SLC41A3: variants seen among roughly 807,000 people sequenced by gnomAD.
The protein encoded by SLC41A3 is solute carrier family 41 member 3, also known as SLC41A1-like 2.
A neutral mutation model predicts 45.4 loss-of-function variants in SLC41A3; 44 were observed. The ratio of observed to expected loss-of-function variants is 0.97; its 90% CI spans 0.76 to 1.25. SLC41A3 has a LOEUF of 1.25. SLC41A3 is among the 50% of genes most tolerant of loss of function. The pLI is 0.00. For synonymous variants in SLC41A3, 256 were observed against 252.4 expected (o/e 1.01, Z -0.13); for missense variants, 550 against 600.6 (o/e 0.92, Z 0.88).
chr3:126,057,495 C>T (rs1036726978), intron 2 of SLC41A3, among the ~76,000 whole-genome samples: 4 of 152,186 alleles, frequency 2.6e-5, no homozygotes, highest in African/African-American at 4.8e-5. Context: ...GGCAGAAGCC[C>T]GAAGCTGGGG....
chr3:126,045,281 T>C (rs950412755), intron 3 of SLC41A3, among the ~76,000 whole-genome samples: 2 of 148,968 alleles, frequency 1.3e-5, no homozygotes, highest in Non-Finnish European at 3.0e-5. Flanking sequence ...ATAAAGATTA[T>C]AGCAGGGATA....
chr3:126,027,765 G>C (rs538455022), intron 4 of SLC41A3, among the ~76,000 whole-genome samples: 1 of 152,332 alleles, frequency 6.6e-6, no homozygotes, highest in South Asian at 2.1e-4. Flanking sequence ...GGACAGTGAA[G>C]GCCAGGCTGA....
intron 8 of SLC41A3, among the ~76,000 whole-genome samples, chr3:126,014,715 C>CCT (rs1228132179): frequency 6.6e-6 from 1 of 152,252 alleles, no homozygotes; most frequent in Non-Finnish European, 1.5e-5. Context: ...TGCCTAGGAG[C>CCT]CTCTGAAGGC....
chr3:126,026,109 G>A lies in SLC41A3; in HGVS notation c.598+226C>T, dbSNP rs993542056. 6.6e-5 allele frequency among the ~76,000 whole-genome samples: 10 copies of A among 152,272 alleles called. No individual in the cohort carries two copies. The highest frequency in any genetic ancestry group is 2.0e-4 in the Admixed American group (3 of 15,304). On this transcript the variant is annotated intron_variant, in intron 5 of 10. Coordinates refer to ENST00000360370, the MANE Select transcript of SLC41A3 (RefSeq NM_017836.4). This position sits in a 1 kb window ranked among gnomAD's most constrained non-coding sequence, Gnocchi z 4.2. The stretch of plus-strand genomic sequence containing the variant: ...TCTTTACACAGCAGAGAGCAGAGGC[G>A]AGTGGTGGCAGGAGCGGCACACACC...
intron 1 of SLC41A3, among the ~76,000 whole-genome samples, chr3:126,091,586 A>G (rs1027100543): frequency 1.1e-4 from 16 of 152,294 alleles, no homozygotes; most frequent in Admixed American, 5.9e-4. Flanking sequence ...TTTTATGCAG[A>G]TGAAGCCTCC....
intron 1 of SLC41A3, among the ~76,000 whole-genome samples, chr3:126,096,508 CAG>C (rs1354556773): frequency 1.3e-5 from 2 of 152,168 alleles, no homozygotes; most frequent in Non-Finnish European, 2.9e-5. Context: ...GTGGGTTTAC[CAG>C]AATGAGGGCA....
intron 4 of SLC41A3, among the ~76,000 whole-genome samples, chr3:126,029,458 C>T (rs1941635384): frequency 6.6e-6 from 1 of 151,910 alleles, no homozygotes; most frequent in African/African-American, 2.4e-5. Context: ...TTCCTGAGGA[C>T]TCCTCAGAAG....
At chr3:126,032,045 G>C (rs1482691301) in intron 4 of SLC41A3, among the ~76,000 whole-genome samples, 2 of 152,198 alleles carry the variant, frequency 1.3e-5, no homozygotes, top group East Asian at 3.9e-4. Flanking sequence ...CACCTGAGTG[G>C]AGCCTTTAAC....
chr3:126,045,163 A>G (rs768420682), intron 3 of SLC41A3, among the ~76,000 whole-genome samples: 16 of 151,980 alleles, frequency 1.1e-4, no homozygotes, highest in Non-Finnish European at 1.2e-4. Context: ...TATAGCTGTA[A>G]TCAATTCCAT....
At chr3:126,037,617 G>T (rs1264757626) in intron 3 of SLC41A3, among the ~76,000 whole-genome samples, 1 of 152,168 alleles carries the variant, frequency 6.6e-6, no homozygotes, top group Non-Finnish European at 1.5e-5. Flanking sequence ...CTCAAGATGT[G>T]GTGTGGCTGC....
upstream of SLC41A3, among the ~76,000 whole-genome samples, chr3:126,086,821 T>C (rs560423051): frequency 2.6e-5 from 4 of 151,876 alleles, no homozygotes; most frequent in African/African-American, 9.7e-5. Flanking sequence ...CCATGCCTAA[T>C]ACGCTATGCA....
intron 2 of SLC41A3, chr3:126,056,424 G>A (rs1277906183): frequency 5.0e-6 from 8 of 1,614,046 alleles, no homozygotes; most frequent in Middle Eastern, 1.6e-4. Context: ...TGGGCACCAC[G>A]ACCTGGCACA....
At chr3:126,025,949 G>T (rs757627459) in intron 5 of SLC41A3, among the ~76,000 whole-genome samples, 9 of 152,230 alleles carry the variant, frequency 5.9e-5, no homozygotes, top group Non-Finnish European at 1.2e-4. Context: ...TCACAGGCCT[G>T]TGTGTAAGGT....
At chr3:126,070,868 G>A (rs777339509) in intron 1 of SLC41A3, among the ~76,000 whole-genome samples, 1 of 151,540 alleles carries the variant, frequency 6.6e-6, no homozygotes, top group African/African-American at 2.4e-5. Context: ...ATTTTTGTTA[G>A]TAACTCTTTT....
chr3:126,009,133 A>T (rs1939439492), intron 9 of SLC41A3, among the ~76,000 whole-genome samples: 1 of 152,260 alleles, frequency 6.6e-6, no homozygotes, highest in Admixed American at 6.5e-5. Context: ...AGGCTATTTC[A>T]AACTGTGACA....
chr3:126,018,079 C>T (rs1580408754), intron 6 of SLC41A3, among the ~76,000 whole-genome samples: 1 of 152,344 alleles, frequency 6.6e-6, no homozygotes, highest in East Asian at 1.9e-4. Flanking sequence ...TTCCCAACTA[C>T]ACCCAGCAGG....
chr3:126,012,024 C>T (rs1365794834), intron 9 of SLC41A3, among the ~76,000 whole-genome samples: 2 of 152,244 alleles, frequency 1.3e-5, no homozygotes, highest in South Asian at 2.1e-4. Context: ...TGTCGGATCA[C>T]CTCCTTCCGG....
At chr3:126,048,347 G>A (rs1943099914) in intron 3 of SLC41A3, among the ~76,000 whole-genome samples, 1 of 152,066 alleles carries the variant, frequency 6.6e-6, no homozygotes, top group African/African-American at 2.4e-5. Context: ...TAGTTTGAAG[G>A]GAATCTCTTT....
At chr3:126,100,468 A>AC (rs898163915) in intron 1 of SLC41A3, among the ~76,000 whole-genome samples, 3 of 152,092 alleles carry the variant, frequency 2.0e-5, no homozygotes, top group African/African-American at 7.2e-5. Flanking sequence ...GCGTGCTGCC[A>AC]CCCCATGCAC....
Sources: allele counts gnomAD v4.1 joint callset (sites outside exome capture counted in the v4.1 genomes callset), GRCh38; gene constraint gnomAD v4.1.1; non-coding constraint Gnocchi (gnomAD v3.1); transcripts MANE v1.5; gene names NCBI Gene and HGNC (gene_info 2026-07-23, HGNC 2026-07-21).